Variants in GLO1 observed in about 807,000 individuals in gnomAD.
GLO1 encodes the protein lactoylglutathione lyase.
GLO1 carries 28 observed loss-of-function variants against 26.0 expected under a neutral mutation model. The observed-to-expected ratio is 1.08, with a 90% confidence interval of 0.80 to 1.48. The LOEUF (loss-of-function observed/expected upper bound fraction) is 1.48, where lower values mean the gene tolerates loss of function less well. Ranked by LOEUF, GLO1 falls within the 40% of genes most tolerant of loss-of-function variation. The pLI is 0.00. For synonymous variants in GLO1, 78 were observed against 77.6 expected (o/e 1.00, Z -0.03); for missense variants, 225 against 224.8 (o/e 1.00, Z -0.01).
At position 38,679,302 on chromosome 6, in the gene GLO1, A is replaced by T. The variant is rs550434230; in HGVS notation, c.467-1919T>A. 2.6e-4 allele frequency among the ~76,000 whole-genome samples: 40 copies of T among 151,856 alleles called. No homozygotes were observed. In the South Asian group the frequency reaches 7.9e-3, roughly 30 times the overall value. On this transcript the variant is annotated intron_variant, in intron 5 of 5. Coordinates refer to ENST00000373365, the MANE Select transcript of GLO1 (RefSeq NM_006708.3). Reference sequence around the variant, plus strand: ...CCACCATGCCCAGATAATTTAAAAAAAAACCTTTTTGTAGAAACAAGGTCT... The same window carrying T: ...CCACCATGCCCAGATAATTTAAAAATAAACCTTTTTGTAGAAACAAGGTCT...
rs1223577622 is a variant in GLO1, at chr6:38,678,907, C to T, written c.467-1524G>A. On this transcript the variant is annotated intron_variant, in intron 5 of 5. Coordinates refer to ENST00000373365, the MANE Select transcript of GLO1 (RefSeq NM_006708.3). ...AATCTCTGGCCTAGGCTTATCCAGC[C>T]CATTGTCCTGAGATCATGTGGGTTG... Among the ~76,000 whole-genome samples the T allele has an allele frequency of 2.0e-5, 3 of 152,226 alleles. No individual in the cohort carries two copies. In the East Asian group the frequency reaches 5.8e-4, roughly 29 times the overall value.
At position 38,684,458 on chromosome 6, in the gene GLO1, T is replaced by G. The variant is rs141160784; in HGVS notation, c.224A>C (p.Tyr75Ser). ...TTTAGGGATGTCATTTTTATCCTCA[T>G]AAGCCAAGAAGTAGAGTGAAAACTT... ...IMKFSLYFLAYEDKNDIPKEK... is the reference protein window; with the variant it reads ...IMKFSLYFLASEDKNDIPKEK... The change falls in exon 3 of 6, where the codon TAT (tyrosine) becomes TCT (serine). Residue 75 changes from tyrosine (Y) to serine (S), a missense_variant. Coordinates refer to ENST00000373365, the MANE Select transcript of GLO1 (RefSeq NM_006708.3). 8.3e-6 allele frequency: 13 copies of G among 1,572,988 alleles called. No individual in the cohort carries two copies. The highest frequency in any genetic ancestry group is 1.1e-5 in the Non-Finnish European group (13 of 1,157,638).
intron 1 of GLO1, among the ~76,000 whole-genome samples, chr6:38,694,947 T>G (rs1025011700): frequency 6.6e-6 from 1 of 152,218 alleles, no homozygotes; most frequent in African/African-American, 2.4e-5. Context: ...AATATCTGCA[T>G]GAATTATCTT....
At position 38,684,501 on chromosome 6, in the gene GLO1, A is replaced by AT. The variant is rs748649969; in HGVS notation, c.180dup (p.Cys61MetfsTer2). 1.9e-6 allele frequency: 3 copies of AT among 1,544,288 alleles called. No homozygotes were observed. Among genetic ancestry groups the AT allele is most frequent in the Non-Finnish European group, 2.6e-6 (3 of 1,147,060 alleles). On this transcript the variant is annotated frameshift_variant, in exon 3 of 6. Transcript: ENST00000373365. LOFTEE classifies it high-confidence loss of function. ...GAAAACTTCATAATGGGAAAATCACATTTTTGGATTAGCCTGCAATGAAAA... is the reference window on the plus strand; with the variant it reads ...GAAAACTTCATAATGGGAAAATCACATTTTTTGGATTAGCCTGCAATGAAAA...
intron 1 of GLO1, among the ~76,000 whole-genome samples, chr6:38,691,261 G>A (rs1040693064): frequency 1.3e-5 from 2 of 152,008 alleles, no homozygotes; most frequent in Non-Finnish European, 2.9e-5. Flanking sequence ...TTTTCGGGGG[G>A]AGGGGAAGTG....
chr6:38,677,933 C>T (rs1198674317), intron 5 of GLO1, among the ~76,000 whole-genome samples: 5 of 152,124 alleles, frequency 3.3e-5, no homozygotes, highest in Non-Finnish European at 7.3e-5. Flanking sequence ...GCATTTGCCT[C>T]ACCTTCATGA....
chr6:38,697,730 C>G (rs183758655), intron 1 of GLO1, among the ~76,000 whole-genome samples: 4 of 152,310 alleles, frequency 2.6e-5, no homozygotes, highest in African/African-American at 9.6e-5. Flanking sequence ...CTCTTTATTA[C>G]TAGGTGTCAC....
rs1698986 is a variant in GLO1, at chr6:38,700,347, C to A, written c.84+2624G>T. ...TTTTTGATGTGTGCCCTGATCCCCA[C>A]AGCTGAAATACAACCTTGAATTGTA... On this transcript the variant is annotated intron_variant, in intron 1 of 5. Coordinates refer to ENST00000373365, the MANE Select transcript of GLO1 (RefSeq NM_006708.3). Among the ~76,000 whole-genome samples the A allele has an allele frequency of 4.5e-3, 689 of 152,360 alleles. 3 individuals carry two copies. Among genetic ancestry groups the A allele is most frequent in the African/African-American group, 0.016 (655 of 41,578 alleles).
chr6:38,693,685 C>CTCTCTCTATATATATATATA (rs869232489), intron 1 of GLO1, among the ~76,000 whole-genome samples: 84 of 86,402 alleles, frequency 9.7e-4, no homozygotes, highest in Non-Finnish European at 1.7e-3. Flanking sequence ...CTCTCTCTCT[C>CTCTCTCTATATATATATATA]TATATATATA....
chr6:38,687,170 G>GCTTTGGGGCTA, intron 1 of GLO1, 196 bp from the exon 2 acceptor site: 1 of 864,248 alleles, frequency 1.2e-6, no homozygotes, highest in African/African-American at 1.8e-5. Context: ...AGTTTCCACT[G>GCTTTGGGGCTA]CAGGAATGAC....
chr6:38,696,172 A>G (rs1261855818), intron 1 of GLO1, among the ~76,000 whole-genome samples: 1 of 152,216 alleles, frequency 6.6e-6, no homozygotes, highest in Non-Finnish European at 1.5e-5. Flanking sequence ...TTTGGTTACA[A>G]TATGTCTATT....
At chr6:38,678,993 C>G (rs1258570129) in intron 5 of GLO1, among the ~76,000 whole-genome samples, 1 of 149,298 alleles carries the variant, frequency 6.7e-6, no homozygotes, top group African/African-American at 2.5e-5. Flanking sequence ...GAATAGCGAA[C>G]AGTTGCAGGG....
At chr6:38,690,689 AAAG>A (rs1298694016) in intron 1 of GLO1, among the ~76,000 whole-genome samples, 1 of 151,976 alleles carries the variant, frequency 6.6e-6, no homozygotes, top group African/African-American at 2.4e-5. Flanking sequence ...ACATACACAT[AAAG>A]AATATTAAAA....
chr6:38,689,927 C>T (rs1436223251), intron 1 of GLO1, among the ~76,000 whole-genome samples: 3 of 151,980 alleles, frequency 2.0e-5, no homozygotes, highest in South Asian at 2.1e-4. Flanking sequence ...CGGGTTCAAG[C>T]GATTCTCCTG....
intron 1 of GLO1, among the ~76,000 whole-genome samples, chr6:38,702,446 C>T (rs1562493987): frequency 6.6e-6 from 1 of 152,126 alleles, no homozygotes; most frequent in Non-Finnish European, 1.5e-5. Flanking sequence ...CTGGGCCCCA[C>T]GAAGATGAGG....
chr6:38,678,333 AAAGAG>A (rs1761300673), intron 5 of GLO1, among the ~76,000 whole-genome samples: 1 of 150,874 alleles, frequency 6.6e-6, no homozygotes, highest in Admixed American at 6.6e-5. Context: ...AGAGAAAGAG[AAAGAG>A]AAAGAGAGAA....
At chr6:38,678,172 C>T (rs1173177613) in intron 5 of GLO1, among the ~76,000 whole-genome samples, 2 of 152,072 alleles carry the variant, frequency 1.3e-5, no homozygotes, top group African/African-American at 2.4e-5. Flanking sequence ...TATGTCAGAG[C>T]TGTTTGCTTA....
intron 1 of GLO1, among the ~76,000 whole-genome samples, chr6:38,699,558 A>G (rs752502617): frequency 1.7e-4 from 26 of 152,142 alleles, no homozygotes; most frequent in Non-Finnish European, 2.6e-4. Context: ...TAGGAGAGAT[A>G]TTGCTAAATT....
Position 38,676,232 on chromosome 6 carries a change from T to G in GLO1, c.*1063A>C, listed in dbSNP as rs111411963. 1 of 152,240 alleles carries G rather than the reference T, an allele frequency of 6.6e-6. No individual in the cohort carries two copies. Among genetic ancestry groups the G allele is most frequent in the Non-Finnish European group, 1.5e-5 (1 of 68,040 alleles). 9.4% of individuals were successfully genotyped at this position (152,240 alleles called of 1,614,324 possible). A position where few individuals can be genotyped will look rare whatever the true frequency, so the allele number is the denominator to read the frequency against. On this transcript the variant is annotated 3_prime_UTR_variant, in exon 6 of 6. Coordinates refer to ENST00000373365, the MANE Select transcript of GLO1 (RefSeq NM_006708.3). ...GGCGGGGAAGACCACTGAGCTGATT[T>G]CTGATAACTAAGTTATCACTGAACA...
Sources: allele counts gnomAD v4.1 joint callset (sites outside exome capture counted in the v4.1 genomes callset), GRCh38; gene constraint gnomAD v4.1.1; transcripts MANE v1.5; gene names NCBI Gene and HGNC (gene_info 2026-07-23, HGNC 2026-07-21).